RAD9B: variants seen among roughly 807,000 people sequenced by gnomAD.
RAD9B encodes the protein RAD9 checkpoint clamp component B, also known as cell cycle checkpoint control protein RAD9B.
Under a neutral mutation model 48.3 loss-of-function variants are expected in RAD9B, and 41 were observed. The ratio of observed to expected loss-of-function variants is 0.85; its 90% CI spans 0.66 to 1.10. RAD9B has a LOEUF of 1.10. Ranked by LOEUF, RAD9B falls within the 50% of genes least tolerant of loss-of-function variation. RAD9B has a pLI of 0.00. For missense variants in RAD9B, 444 were observed against 485.1 expected (o/e 0.92, Z 0.80); for synonymous variants, 160 against 157.9 (o/e 1.01, Z -0.10).
intron 4 of RAD9B, 24 bp downstream of exon 4, chr12:110,506,717 A>C: frequency 9.0e-7 from 1 of 1,116,072 alleles, no homozygotes; most frequent in East Asian, 2.4e-5. Flanking sequence ...AAAGTGGTTT[A>C]AAATACTATG....
In RAD9B at chr12:110,505,622, T is replaced by C; in HGVS notation, c.123T>C (p.Ala41=). ...TTTTTATCTTATTTTTCTAGCTTGC[T>C]CTAAGATGTGTGAATTCTTCTCGGT... ...FWLDPSKKGL[A]LRCVNSSRSA... is the part of the protein sequence containing the mutation. Residue 41 remains alanine (A), a synonymous_variant, in exon 3 of 11, where the codon GCT becomes GCC. Coordinates refer to ENST00000409300, the MANE Select transcript of RAD9B (RefSeq NM_001286535.2). 2 of 1,553,414 alleles carry C rather than the reference T, an allele frequency of 1.3e-6. No homozygotes were observed.
chr12:110,512,007 C>T (rs577187471), intron 4 of RAD9B, among the ~76,000 whole-genome samples: 154 of 151,908 alleles, frequency 1.0e-3, no homozygotes, highest in Non-Finnish European at 1.8e-3. Context: ...CCACCACGCC[C>T]GGCTAGTTTT....
At chr12:110,519,705 T>G (rs1364036697) in intron 8 of RAD9B, 89 bp from the exon 9 acceptor site, 13 of 1,441,344 alleles carry the variant, frequency 9.0e-6, no homozygotes, top group Non-Finnish European at 1.1e-5. Context: ...CCTGTTTCTT[T>G]TTAGTCCAGA....
At chr12:110,528,256 C>T (rs1479450263) in intron 10 of RAD9B, among the ~76,000 whole-genome samples, 1 of 151,900 alleles carries the variant, frequency 6.6e-6, no homozygotes, top group African/African-American at 2.4e-5. Flanking sequence ...TGGAGAGAGG[C>T]GGCTGAAATA....
At chr12:110,530,278 C>G (rs1248651755) in intron 10 of RAD9B, among the ~76,000 whole-genome samples, 2 of 152,108 alleles carry the variant, frequency 1.3e-5, no homozygotes, top group African/African-American at 4.8e-5. Context: ...ATCTCCTGAC[C>G]TCGTGATCCG....
At chr12:110,515,585 C>T (rs1233163329) in intron 6 of RAD9B, among the ~76,000 whole-genome samples, 3 of 152,114 alleles carry the variant, frequency 2.0e-5, no homozygotes, top group South Asian at 2.1e-4. Context: ...CGCTTGAACC[C>T]GGGAGGTGGA....
intron 9 of RAD9B, among the ~76,000 whole-genome samples, chr12:110,520,135 G>T (rs1162780853): frequency 6.6e-6 from 1 of 152,170 alleles, no homozygotes; most frequent in Non-Finnish European, 1.5e-5. Context: ...GACCAGAATT[G>T]AACAAGACTG....
chr12:110,505,520 A>T, intron 2 of RAD9B, 97 bp from the exon 3 acceptor site: 1 of 1,071,888 alleles, frequency 9.3e-7, no homozygotes, highest in Non-Finnish European at 1.3e-6. Flanking sequence ...GCTTCCATCC[A>T]TCCTCCTGCC....
In RAD9B at chr12:110,531,710, G is replaced by T. The variant is rs2135749226; in HGVS notation, c.*1057G>T. 1.4e-6 allele frequency: 2 copies of T among 1,407,026 alleles called. No individual in the cohort carries two copies. Among genetic ancestry groups the T allele is most frequent in the Non-Finnish European group, 2.0e-6 (2 of 1,022,844 alleles). The allele number at this position is 1,407,026 out of a possible 1,614,324, so 87.2% of individuals were successfully genotyped here. A position where few individuals can be genotyped will look rare whatever the true frequency, so the allele number is the denominator to read the frequency against. On this transcript the variant is annotated 3_prime_UTR_variant, in exon 11 of 11. Transcript: ENST00000409300. Reference sequence around the variant, plus strand: ...GGAAGACAAATGTCTCTGTTCTTTGGCCCTTTAAGAGTTAGCTTTTTACCT... The same window carrying T: ...GGAAGACAAATGTCTCTGTTCTTTGTCCCTTTAAGAGTTAGCTTTTTACCT...
Position 110,518,899 on chromosome 12 carries a change from C to G in RAD9B, c.728C>G (p.Thr243Arg). 6.3e-7 allele frequency: 1 copy of G among 1,578,800 alleles called. No homozygotes were observed. Among genetic ancestry groups the G allele is most frequent in the Non-Finnish European group, 8.6e-7 (1 of 1,161,632 alleles). Residue 243 changes from threonine to arginine, a missense_variant, in exon 8 of 11, where the codon ACA becomes AGA. Coordinates refer to ENST00000409300, the MANE Select transcript of RAD9B (RefSeq NM_001286535.2). ...GGAATACTGACATTTTCAGAAGCTA[C>G]ACATGCTCCTATATCCATTTATTTT... ...LKGILTFSEATHAPISIYFDF... is the reference protein window; with the variant it reads ...LKGILTFSEARHAPISIYFDF...
intron 3 of RAD9B, among the ~76,000 whole-genome samples, chr12:110,506,309 C>T (rs1041110663): frequency 6.6e-6 from 1 of 152,084 alleles, no homozygotes; most frequent in Admixed American, 6.5e-5. Context: ...CTGCCTCAGC[C>T]TCCCGAGTAG....
intron 4 of RAD9B, among the ~76,000 whole-genome samples, chr12:110,508,674 C>G (rs2063364856): frequency 6.6e-6 from 1 of 152,248 alleles, no homozygotes; most frequent in Non-Finnish European, 1.5e-5. Flanking sequence ...GTTGCCCAGG[C>G]TGGTCTCAAA....
intron 6 of RAD9B, among the ~76,000 whole-genome samples, 172 bp downstream of exon 6, chr12:110,515,328 A>G (rs1017862701): frequency 6.6e-6 from 1 of 152,222 alleles, no homozygotes; most frequent in Admixed American, 6.5e-5. Context: ...ACAATCAGCA[A>G]TTAAAATATT....
chr12:110,503,948 T>A, intron 2 of RAD9B, 72 bp downstream of exon 2: 1 of 863,198 alleles, frequency 1.2e-6, no homozygotes, highest in Non-Finnish European at 1.7e-6. Context: ...CCAGATTGAA[T>A]GTTAACTAGG....
chr12:110,531,412 G>A lies in RAD9B; in HGVS notation c.*759G>A, dbSNP rs557262155. 1.8e-6 allele frequency: 1 copy of A among 550,392 alleles called. No homozygotes were observed. The highest frequency in any genetic ancestry group is 3.1e-6 in the Non-Finnish European group (1 of 320,968). The allele number at this position is 550,392 out of a possible 1,614,324, so 34.1% of individuals were successfully genotyped here. A position where few individuals can be genotyped will look rare whatever the true frequency, so the allele number is the denominator to read the frequency against. Reference sequence around the variant, plus strand: ...TCGCCATGTTGGCCAGGGTGGTCTTGAACTCCTGGCCTCAAGTGATCTGCC... The same window carrying A: ...TCGCCATGTTGGCCAGGGTGGTCTTAAACTCCTGGCCTCAAGTGATCTGCC... On this transcript the variant is annotated 3_prime_UTR_variant, in exon 11 of 11. Coordinates refer to ENST00000409300, the MANE Select transcript of RAD9B (RefSeq NM_001286535.2).
chr12:110,529,310 A>G (rs1398650226), intron 10 of RAD9B, among the ~76,000 whole-genome samples: 1 of 151,050 alleles, frequency 6.6e-6, no homozygotes, highest in Non-Finnish European at 1.5e-5. Context: ...TGCCCAGCTA[A>G]TTTTTTGTAT....
chr12:110,502,425 A>G (rs756621107), intron 1 of RAD9B, 42 bp downstream of exon 1: 1 of 1,607,914 alleles, frequency 6.2e-7, no homozygotes, highest in Non-Finnish European at 8.5e-7. Flanking sequence ...CAGAGAGAAA[A>G]GCAGACGTTA....
At position 110,518,924 on chromosome 12, in the gene RAD9B, T is replaced by C. The variant is rs746486141; in HGVS notation, c.753T>C (p.Phe251=). 1 of 1,566,154 alleles carries C rather than the reference T, an allele frequency of 6.4e-7. No individual in the cohort carries two copies. The highest frequency in any genetic ancestry group is 8.6e-7 in the Non-Finnish European group (1 of 1,156,292). The part of the protein sequence containing the change: ...EATHAPISIY[F]DFPGKPLALS... ...CACATGCTCCTATATCCATTTATTT[T>C]GATTTCCCTGGGAAGTAGGTCCTTG... Residue 251 remains phenylalanine, a synonymous_variant, in exon 8 of 11, where the codon TTT becomes TTC. Transcript: ENST00000409300.
In RAD9B at chr12:110,531,554, T is replaced by C. The variant is rs369243915; in HGVS notation, c.*901T>C. On this transcript the variant is annotated 3_prime_UTR_variant, in exon 11 of 11. Transcript: ENST00000409300. ...ACCTCAAATTGTTCTGATTTTCAGATGTGATTTTTTATTTTGCAGTGTGCT... is the reference window on the plus strand; with the variant it reads ...ACCTCAAATTGTTCTGATTTTCAGACGTGATTTTTTATTTTGCAGTGTGCT... The C allele has an allele frequency of 6.8e-6, 10 of 1,481,286 alleles. No individual in the cohort carries two copies. The African/African-American group carries it at 1.3e-4, about 19-fold the overall frequency. 91.8% of individuals were successfully genotyped at this position (1,481,286 alleles called of 1,614,324 possible).
Sources: gnomAD v4.1 joint callset for allele counts (sites outside exome capture counted in the v4.1 genomes callset) on GRCh38, gnomAD v4.1.1 for gene constraint, MANE v1.5 for transcripts, NCBI Gene and HGNC (gene_info 2026-07-23, HGNC 2026-07-21) for gene names.